Variants in GFRA1 observed in about 807,000 individuals in gnomAD.
GFRA1 encodes GDNF family receptor alpha-1.
GFRA1 carries 16 observed loss-of-function variants against 51.6 expected under a neutral mutation model. That is an observed-to-expected ratio of 0.31 (90% CI 0.21 to 0.47). The LOEUF (loss-of-function observed/expected upper bound fraction) is 0.47, where lower values mean the gene tolerates loss of function less well. Ranked by LOEUF, GFRA1 falls within the 20% of genes least tolerant of loss-of-function variation. GFRA1 has a pLI of 1.00. For missense variants in GFRA1, 530 were observed against 594.3 expected (o/e 0.89, Z 1.13); for synonymous variants, 270 against 241.3 (o/e 1.12, Z -1.10).
intron 4 of GFRA1, among the ~76,000 whole-genome samples, chr10:116,223,262 T>C (rs1200849380): frequency 6.6e-6 from 1 of 152,242 alleles, no homozygotes; most frequent in Non-Finnish European, 1.5e-5. Flanking sequence ...CCTAGTCATA[T>C]TTGTTTCTCT....
At chr10:116,274,318 G>A (rs1844141360), upstream of GFRA1, among the ~76,000 whole-genome samples, 2 of 152,312 alleles carry the variant, frequency 1.3e-5, no homozygotes, top group South Asian at 2.1e-4. Flanking sequence ...CGGGGAGACC[G>A]AGTTTGAATC....
chr10:116,063,971 A>G lies in GFRA1; in HGVS notation c.*427T>C, dbSNP rs1328408542. 1 of 187,068 alleles carries G rather than the reference A, an allele frequency of 5.3e-6. No individual in the cohort carries two copies. The highest frequency in any genetic ancestry group is 2.4e-5 in the African/African-American group (1 of 42,072). The allele number at this position is 187,068 out of a possible 1,614,324, so 11.6% of individuals were successfully genotyped here. The stretch of plus-strand genomic sequence containing the variant: ...AGAAATCAATGTCATTAAAGGAGAT[A>G]TGGGAGTTACCTTAGAAATATTAAC... On this transcript the variant is annotated 3_prime_UTR_variant, in exon 11 of 11. Transcript: ENST00000355422.
At chr10:116,164,336 C>A (rs1299355296) in intron 5 of GFRA1, among the ~76,000 whole-genome samples, 8 of 143,050 alleles carry the variant, frequency 5.6e-5, no homozygotes, top group South Asian at 2.2e-4. Flanking sequence ...AAAAAAAAAA[C>A]CCAATCCAAC....
At chr10:116,255,751 ACT>A in intron 4 of GFRA1, 1 of 1,287,974 alleles carries the variant, frequency 7.8e-7, no homozygotes, top group Non-Finnish European at 1.0e-6. Flanking sequence ...ATGGCATTGC[ACT>A]CTGCACTTTC....
At chr10:116,111,131 AG>A (rs1452785566) in intron 6 of GFRA1, among the ~76,000 whole-genome samples, 1 of 152,216 alleles carries the variant, frequency 6.6e-6, no homozygotes, top group East Asian at 1.9e-4. Flanking sequence ...TTATTCGAAT[AG>A]CCCAGGCCAA....
intron 6 of GFRA1, 151 bp from the exon 7 acceptor site, chr10:116,096,915 C>T (rs986325523): frequency 3.4e-5 from 22 of 651,828 alleles, no homozygotes; most frequent in Middle Eastern, 2.8e-4. Context: ...ACACAAAATA[C>T]GTAGAAAACG....
At chr10:116,147,020 T>G (rs1958827954) in intron 5 of GFRA1, among the ~76,000 whole-genome samples, 1 of 30,196 alleles carries the variant, frequency 3.3e-5, no homozygotes, top group East Asian at 1.4e-3. Context: ...ATTTATTTAT[T>G]TATTTGTGTG....
intron 9 of GFRA1, among the ~76,000 whole-genome samples, chr10:116,081,243 G>C (rs1191385085): frequency 6.6e-6 from 1 of 152,168 alleles, no homozygotes; most frequent in African/African-American, 2.4e-5. Flanking sequence ...CGTCTTGTTG[G>C]GGACCACGGC....
rs547290140 is a variant in GFRA1 at position 116,251,942 on chromosome 10, G to A, written c.418+17561C>T. On this transcript the variant is annotated intron_variant, in intron 4 of 10. Coordinates refer to ENST00000355422, the MANE Select transcript of GFRA1 (RefSeq NM_005264.8). Reference sequence around the variant, plus strand: ...CCATGTTGTAAAAGCCAGCTTAGAGGACACAGACAACAATAGGCCTCTTTT... The same window carrying A: ...CCATGTTGTAAAAGCCAGCTTAGAGAACACAGACAACAATAGGCCTCTTTT... 8.7e-4 allele frequency among the ~76,000 whole-genome samples: 125 copies of A among 144,074 alleles called. 1 individual carries two copies. The highest frequency in any genetic ancestry group is 3.0e-3 in the African/African-American group (117 of 39,652). 94.5% of individuals were successfully genotyped at this position (144,074 alleles called of 152,430 possible). A position where few individuals can be genotyped will look rare whatever the true frequency, so the allele number is the denominator to read the frequency against.
At chr10:116,124,300 C>G (rs10885855) in intron 6 of GFRA1, among the ~76,000 whole-genome samples, 35,170 of 150,028 alleles carry the variant, frequency 0.23, 4,134 homozygotes, top group Middle Eastern at 0.27. Context: ...TGCCATCTCG[C>G]CTCACTGCAA....
chr10:116,210,235 A>G (rs1380127029), intron 5 of GFRA1, among the ~76,000 whole-genome samples: 1 of 152,154 alleles, frequency 6.6e-6, no homozygotes, highest in Non-Finnish European at 1.5e-5. Context: ...CAGATCTGAC[A>G]CCAGCCTCCC....
rs115397064 is a variant in GFRA1, at chr10:116,061,638, C to A, written c.*2760G>T. 500 of 190,482 alleles carry A rather than the reference C, an allele frequency of 2.6e-3. 2 individuals are homozygous for A. Among genetic ancestry groups the A allele is most frequent in the African/African-American group, 0.011 (460 of 43,286 alleles). The allele number at this position is 190,482 out of a possible 1,614,324, so 11.8% of individuals were successfully genotyped here. ...GACCCTAGTTACTGTTTGGTTTCAT[C>A]AAAATCAACTGCAATGAGATACTTC... On this transcript the variant is annotated 3_prime_UTR_variant, in exon 11 of 11. Transcript: ENST00000355422.
chr10:116,262,098 G>A (rs967948210), intron 4 of GFRA1, among the ~76,000 whole-genome samples: 1 of 152,164 alleles, frequency 6.6e-6, no homozygotes, highest in South Asian at 2.1e-4. Flanking sequence ...GAAAAATCAA[G>A]AGATGGCAAA....
chr10:116,227,757 C>T (rs1966399871), intron 4 of GFRA1, among the ~76,000 whole-genome samples: 1 of 152,172 alleles, frequency 6.6e-6, no homozygotes, highest in South Asian at 2.1e-4. Context: ...GGAAACAGAG[C>T]TTAATTCCAT....
At chr10:116,099,807 TA>T (rs1231165540) in intron 6 of GFRA1, among the ~76,000 whole-genome samples, 2 of 152,194 alleles carry the variant, frequency 1.3e-5, no homozygotes, top group Non-Finnish European at 2.9e-5. Context: ...TTGTTCTTGA[TA>T]AAAGGTAAGA....
intron 4 of GFRA1, among the ~76,000 whole-genome samples, chr10:116,237,729 A>C (rs949042338): frequency 2.0e-5 from 3 of 152,210 alleles, no homozygotes; most frequent in Non-Finnish European, 2.9e-5. Context: ...GTCATCCTGC[A>C]AAGACCTGGG....
At chr10:116,274,234 C>CACTG (rs534476288), upstream of GFRA1, among the ~76,000 whole-genome samples, 742 of 150,938 alleles carry the variant, frequency 4.9e-3, 2 homozygotes, top group African/African-American at 0.016. Flanking sequence ...CCGAAGTCTA[C>CACTG]ACTGGGTCGG....
At chr10:116,204,281 G>A (rs1964558727) in intron 5 of GFRA1, among the ~76,000 whole-genome samples, 3 of 152,220 alleles carry the variant, frequency 2.0e-5, no homozygotes, top group African/African-American at 4.8e-5. Context: ...CACATCAAGA[G>A]GAGCTCATGC....
intron 5 of GFRA1, among the ~76,000 whole-genome samples, chr10:116,167,969 G>A (rs541824586): frequency 6.6e-6 from 1 of 152,152 alleles, no homozygotes; most frequent in East Asian, 1.9e-4. Flanking sequence ...GGAGGGTGAG[G>A]AATATAGACA....
Sources: allele counts gnomAD v4.1 joint callset (sites outside exome capture counted in the v4.1 genomes callset), GRCh38; gene constraint gnomAD v4.1.1; transcripts MANE v1.5; gene names NCBI Gene and HGNC (gene_info 2026-07-23, HGNC 2026-07-21).